Variants in IRAG1 observed in about 807,000 individuals in gnomAD.
IRAG1 encodes the protein IP3R-associated cGMP kinase substrate.
IRAG1 carries 62 observed loss-of-function variants against 106.2 expected under a neutral mutation model. That is an observed-to-expected ratio of 0.58 (90% CI 0.48 to 0.72). The LOEUF is 0.72. IRAG1 is among the 30% of genes least tolerant of loss of function. IRAG1 has a pLI of 0.00. For missense variants in IRAG1, 1,064 were observed against 1,140.7 expected, an observed-to-expected ratio of 0.93 and a Z score of 0.97; for synonymous variants, 462 against 443.9, an observed-to-expected ratio of 1.04 and a Z score of -0.51.
intron 1 of IRAG1, among the ~76,000 whole-genome samples, chr11:10,656,559 C>A (rs1429007664): frequency 6.6e-6 from 1 of 152,196 alleles, no homozygotes; most frequent in Non-Finnish European, 1.5e-5. Flanking sequence ...AACTAATATG[C>A]TTTTGTTCAT....
intron 10 of IRAG1, among the ~76,000 whole-genome samples, chr11:10,623,516 G>C (rs1855995859): frequency 6.6e-6 from 1 of 152,212 alleles, no homozygotes; most frequent in Non-Finnish European, 1.5e-5. Context: ...AGTGTCAAAA[G>C]TTCAGGCCTG....
chr11:10,652,895 G>A lies in IRAG1; in HGVS notation c.68-713C>T, dbSNP rs115812567. On this transcript the variant is annotated intron_variant, in intron 1 of 20. Transcript: ENST00000423302. ...ACACCAGCCCTACTAAAACCTGGGG[G>A]CTCAGGCAGGGTGAATTCCATGTGC... Among the ~76,000 whole-genome samples, 474 of 152,214 alleles carry A rather than the reference G, an allele frequency of 3.1e-3. 5 individuals are homozygous for A. Among genetic ancestry groups the A allele is most frequent in the African/African-American group, 0.011 (450 of 41,516 alleles).
At chr11:10,638,207 T>C (rs958602737) in intron 2 of IRAG1, among the ~76,000 whole-genome samples, 2 of 152,214 alleles carry the variant, frequency 1.3e-5, no homozygotes, top group African/African-American at 2.4e-5. Context: ...GTTATCAACA[T>C]TCCATAATTG....
intron 1 of IRAG1, among the ~76,000 whole-genome samples, chr11:10,680,534 A>AGGAAGAAAGGAAGAAAGGAAGGAAGG (rs1554935801): frequency 2.8e-5 from 4 of 141,234 alleles, no homozygotes; most frequent in African/African-American, 8.2e-5. Context: ...AAAGGAAGGA[A>AGGAAGAAAGGAAGAAAGGAAGGAAGG]GGAAGGGGAA....
chr11:10,674,942 A>G (rs1187978601), intron 1 of IRAG1, among the ~76,000 whole-genome samples: 2 of 152,212 alleles, frequency 1.3e-5, no homozygotes, highest in African/African-American at 4.8e-5. Context: ...ATCCCCTCAT[A>G]TGAAGGATTC....
At chr11:10,646,482 G>C (rs1248082092) in intron 2 of IRAG1, among the ~76,000 whole-genome samples, 1 of 152,036 alleles carries the variant, frequency 6.6e-6, no homozygotes, top group Non-Finnish European at 1.5e-5. Context: ...ACTTACATCA[G>C]TCCCTATTTC....
chr11:10,602,498 T>TG (rs1177068278), intron 14 of IRAG1, among the ~76,000 whole-genome samples: 1 of 151,926 alleles, frequency 6.6e-6, no homozygotes, highest in Non-Finnish European at 1.5e-5. Context: ...TGCTACAACA[T>TG]GGGGGGCCGG....
chr11:10,629,764 C>G, intron 4 of IRAG1, 53 bp from the exon 5 acceptor site: 3 of 1,569,412 alleles, frequency 1.9e-6, no homozygotes, highest in Middle Eastern at 1.7e-4. Flanking sequence ...TGGCCCCAGG[C>G]TGAGGTCATG....
intron 1 of IRAG1, among the ~76,000 whole-genome samples, chr11:10,688,569 T>C (rs1861833665): frequency 6.6e-6 from 1 of 152,158 alleles, no homozygotes; most frequent in Admixed American, 6.5e-5. Flanking sequence ...AGCCAGGCTG[T>C]GTGCAGTGTA....
At position 10,628,301 on chromosome 11, in the gene IRAG1, G is replaced by A. The variant is rs766240614; in HGVS notation, c.653-276C>T. Among the ~76,000 whole-genome samples the A allele has an allele frequency of 1.4e-4, 22 of 152,162 alleles. No homozygotes were observed. The highest frequency in any genetic ancestry group is 1.9e-4 in the East Asian group (1 of 5,190). On this transcript the variant is annotated intron_variant, in intron 6 of 20. Transcript: ENST00000423302. This position sits in a 1 kb window ranked among gnomAD's most constrained non-coding sequence, Gnocchi z 4.1. ...CAGGCTGCCTGGCCCCGACCTGAGC[G>A]TGCCCTGCCGCACTGATGAGGGCCG...
chr11:10,597,898 A>G lies in IRAG1; in HGVS notation c.2017+3020T>C, dbSNP rs75688116. Among the ~76,000 whole-genome samples the G allele has an allele frequency of 7.5e-3, 1,136 of 152,290 alleles. 11 individuals carry two copies. Among genetic ancestry groups the G allele is most frequent in the African/African-American group, 0.026 (1,087 of 41,556 alleles). On this transcript the variant is annotated intron_variant, in intron 15 of 20. Coordinates refer to ENST00000423302, the MANE Select transcript of IRAG1 (RefSeq NM_130385.4). ...GAGTACTTTTCTGCTTATTTCTAAC[A>G]TATCTTAGAAGCACCATCTTGCTGT...
In IRAG1 at chr11:10,633,988, G is replaced by T; in HGVS notation, c.309C>A (p.Thr103=). ...TGTACCTGTTGGCCAGGTTTTTGTC[G>T]GTTTCTCCTTCTGGTGAAGTGGCAT... ...TGDATSPEGE[T]DKNLANRVHS... The change falls in exon 3 of 21, where the codon ACC becomes ACA. Residue 103 remains threonine, a synonymous_variant. Transcript: ENST00000423302. 1 of 1,611,172 alleles carries T rather than the reference G, an allele frequency of 6.2e-7. No individual in the cohort carries two copies. Among genetic ancestry groups the T allele is most frequent in the Non-Finnish European group, 8.5e-7 (1 of 1,178,280 alleles).
rs1196531144 is a variant in IRAG1, at chr11:10,586,311, T to C, written c.2241-4325A>G. Among the ~76,000 whole-genome samples the C allele has an allele frequency of 2.6e-5, 4 of 152,216 alleles. No individual in the cohort carries two copies. In the East Asian group the frequency reaches 7.7e-4, roughly 29 times the overall value. ...ATATCTTCTCTAACTATCTGGAAGT[T>C]TCTCTCTAAGCATCTTTAAGACTAA... On this transcript the variant is annotated intron_variant, in intron 18 of 20. Coordinates refer to ENST00000423302, the MANE Select transcript of IRAG1 (RefSeq NM_130385.4).
Position 10,609,809 on chromosome 11 carries a change from G to C in IRAG1, c.1490C>G (p.Ser497Ter). 6.2e-7 allele frequency: 1 copy of C among 1,613,884 alleles called. No individual in the cohort carries two copies. The highest frequency in any genetic ancestry group is 8.5e-7 in the Non-Finnish European group (1 of 1,179,850). Reference protein sequence around the residue: ...ELSPAIEEEESKSGLDVMPNI... With the variant: ...ELSPAIEEEE The stretch of plus-strand genomic sequence containing the variant: ...AGGCATGACATCTAAGCCACTCTTT[G>C]ACTCTTCTTCCTCAATAGCTGGGGA... Residue 497 changes from serine to a stop codon, truncating the protein, a stop_gained, in exon 11 of 21, where the codon TCA becomes TGA. Transcript: ENST00000423302. LOFTEE classifies it high-confidence loss of function.
Position 10,690,321 on chromosome 11 carries a change from T to C in IRAG1, c.67+3215A>G, listed in dbSNP as rs560209261. 40 of 1,144,758 alleles carry C rather than the reference T, an allele frequency of 3.5e-5. 1 individual carries two copies. In the South Asian group the frequency reaches 5.2e-4, roughly 15 times the overall value. 70.9% of individuals were successfully genotyped at this position (1,144,758 alleles called of 1,614,324 possible). A position where few individuals can be genotyped will look rare whatever the true frequency, so the allele number is the denominator to read the frequency against. On this transcript the variant is annotated intron_variant, in intron 1 of 20. Coordinates refer to ENST00000423302, the MANE Select transcript of IRAG1 (RefSeq NM_130385.4). Reference sequence around the variant, plus strand: ...ATGAGAATTGCTTGAACCCGGGAGGTGGGGTTGCACCACTGCACTCCAGCC... The same window carrying C: ...ATGAGAATTGCTTGAACCCGGGAGGCGGGGTTGCACCACTGCACTCCAGCC...
intron 9 of IRAG1, among the ~76,000 whole-genome samples, chr11:10,624,524 T>G (rs1364834515): frequency 6.6e-6 from 1 of 151,802 alleles, no homozygotes; most frequent in Non-Finnish European, 1.5e-5. Context: ...AGGACCTGAG[T>G]GGAGGCACCT....
chr11:10,641,689 A>G (rs1857522695), intron 2 of IRAG1, among the ~76,000 whole-genome samples: 1 of 152,156 alleles, frequency 6.6e-6, no homozygotes, highest in African/African-American at 2.4e-5. Flanking sequence ...CCACCTACAA[A>G]TTGGGGGTGA....
At position 10,628,114 on chromosome 11, in the gene IRAG1, T is replaced by A; in HGVS notation, c.653-89A>T. On this transcript the variant is annotated intron_variant, in intron 6 of 20. Coordinates refer to ENST00000423302, the MANE Select transcript of IRAG1 (RefSeq NM_130385.4). This position sits in a 1 kb window ranked among gnomAD's most constrained non-coding sequence, Gnocchi z 4.1. Reference sequence around the variant, plus strand: ...CCACATCTCCCTCCCCGGGCTATCCTCCCTTTGCAATCTCAGGCCTGGAAG... The same window carrying A: ...CCACATCTCCCTCCCCGGGCTATCCACCCTTTGCAATCTCAGGCCTGGAAG... The A allele has an allele frequency of 7.1e-7, 1 of 1,414,206 alleles. No individual in the cohort carries two copies. The highest frequency in any genetic ancestry group is 2.4e-5 in the East Asian group (1 of 41,812). 87.6% of individuals were successfully genotyped at this position (1,414,206 alleles called of 1,614,324 possible).
chr11:10,683,012 A>G (rs1053187290), intron 1 of IRAG1, among the ~76,000 whole-genome samples: 10 of 152,238 alleles, frequency 6.6e-5, no homozygotes, highest in Admixed American at 4.6e-4. Context: ...TATGTCATCC[A>G]GGGAATGCAG....
Sources: gnomAD v4.1 joint callset for allele counts (sites outside exome capture counted in the v4.1 genomes callset) on GRCh38, gnomAD v4.1.1 for gene constraint, Gnocchi (gnomAD v3.1) non-coding constraint, MANE v1.5 for transcripts, NCBI Gene and HGNC (gene_info 2026-07-23, HGNC 2026-07-21) for gene names.